BORA: variants seen among roughly 807,000 people sequenced by gnomAD.
BORA encodes BORA aurora kinase A activator, also known as protein aurora borealis.
BORA carries 26 observed loss-of-function variants against 55.8 expected under a neutral mutation model. The observed-to-expected ratio is 0.47, with a 90% confidence interval of 0.34 to 0.65. BORA has a LOEUF of 0.65. BORA is among the 30% of genes least tolerant of loss of function. The probability of loss-of-function intolerance (pLI) is 0.01; values close to 1 mark genes in which losing one functional copy is unlikely to be tolerated. For missense variants in BORA, 568 were observed against 671.5 expected (o/e 0.85, Z 1.70); for synonymous variants, 201 against 216.9 (o/e 0.93, Z 0.64).
intron 10 of BORA, among the ~76,000 whole-genome samples, chr13:72,748,952 A>C (rs896328410): frequency 1.3e-5 from 2 of 152,156 alleles, no homozygotes; most frequent in African/African-American, 4.8e-5. Flanking sequence ...TTACTATTAC[A>C]ACCTCTTCCT....
At chr13:72,746,142 T>C in intron 9 of BORA, 66 bp downstream of exon 9, 3 of 1,397,596 alleles carry the variant, frequency 2.1e-6, no homozygotes, top group Non-Finnish European at 3.0e-6. Context: ...TTAGAGAGGT[T>C]CTTTTAATTT....
chr13:72,754,536 T>C (rs994219221), intron 11 of BORA: 1 of 152,168 alleles, frequency 6.6e-6, no homozygotes, highest in Non-Finnish European at 1.5e-5. Context: ...AAATGTTTAA[T>C]AGGGAGGCCA....
intron 11 of BORA, 135 bp from the exon 12 acceptor site, chr13:72,755,016 A>G: frequency 3.1e-6 from 2 of 650,498 alleles, no homozygotes; most frequent in South Asian, 4.1e-5. Flanking sequence ...TGATTTATAA[A>G]ATACTGTATC....
intron 6 of BORA, 32 bp downstream of exon 6, chr13:72,743,634 G>A: frequency 6.5e-7 from 1 of 1,535,314 alleles, no homozygotes; most frequent in Non-Finnish European, 9.0e-7. Context: ...AAAGAAGGAT[G>A]TTCCATATTA....
rs1593824822 is a variant in BORA, at chr13:72,754,068, T to G, written c.1614+247T>G. On this transcript the variant is annotated intron_variant, in intron 11 of 11. Coordinates refer to ENST00000390667, the MANE Select transcript of BORA (RefSeq NM_024808.5). ...GAGGGCATTTACTGAACCTTCCAGG[T>G]GGTGGTTATATATTCATACTTGAAG... is the stretch of plus-strand genomic sequence containing the variant. 3 of 353,418 alleles carry G rather than the reference T, an allele frequency of 8.5e-6. No individual in the cohort carries two copies. In the East Asian group the frequency reaches 1.6e-4, roughly 19 times the overall value. The allele number at this position is 353,418 out of a possible 1,614,324, so 21.9% of individuals were successfully genotyped here. A position where few individuals can be genotyped will look rare whatever the true frequency, so the allele number is the denominator to read the frequency against.
At position 72,755,969 on chromosome 13, in the gene BORA, T is replaced by TG; in HGVS notation, c.*757dup. On this transcript the variant is annotated 3_prime_UTR_variant, in exon 12 of 12. Transcript: ENST00000390667. ...AATGTGGGAGAACCAAGAGAAAAAG[T>TG]GGGGCTGGGAGAGTGGAGTTCCCGT... is the stretch of plus-strand genomic sequence containing the variant. 1 of 398,434 alleles carries TG rather than the reference T, an allele frequency of 2.5e-6. No homozygotes were observed. The highest frequency in any genetic ancestry group is 4.4e-6 in the Non-Finnish European group (1 of 226,032). The allele number at this position is 398,434 out of a possible 1,614,324, so 24.7% of individuals were successfully genotyped here. A position where few individuals can be genotyped will look rare whatever the true frequency, so the allele number is the denominator to read the frequency against.
intron 10 of BORA, among the ~76,000 whole-genome samples, chr13:72,750,511 G>T (rs949612411): frequency 1.3e-5 from 2 of 151,894 alleles, no homozygotes; most frequent in African/African-American, 4.8e-5. Flanking sequence ...GCAATTTTTT[G>T]AATTTTTGCA....
At chr13:72,729,646 T>C (rs1311851441) in intron 2 of BORA, among the ~76,000 whole-genome samples, 1 of 152,214 alleles carries the variant, frequency 6.6e-6, no homozygotes, top group Non-Finnish European at 1.5e-5. Flanking sequence ...AAAGCAGCCA[T>C]AGGCAATGTG....
At chr13:72,744,057 GC>G (rs2033091812) in intron 6 of BORA, among the ~76,000 whole-genome samples, 1 of 152,076 alleles carries the variant, frequency 6.6e-6, no homozygotes, top group South Asian at 2.1e-4. Flanking sequence ...TTTTCAATGA[GC>G]TACATAATAA....
intron 5 of BORA, among the ~76,000 whole-genome samples, chr13:72,741,957 T>C (rs1356190053): frequency 6.6e-6 from 1 of 152,096 alleles, no homozygotes; most frequent in Non-Finnish European, 1.5e-5. Flanking sequence ...GAAATAGACA[T>C]GGTTTTGAAA....
At chr13:72,734,179 C>A (rs1388399166) in intron 3 of BORA, among the ~76,000 whole-genome samples, 1 of 151,774 alleles carries the variant, frequency 6.6e-6, no homozygotes, top group Non-Finnish European at 1.5e-5. Flanking sequence ...GCATTTGTAC[C>A]CCTGAACTTA....
intron 5 of BORA, among the ~76,000 whole-genome samples, chr13:72,738,876 C>T (rs140523179): frequency 6.6e-6 from 1 of 152,102 alleles, no homozygotes; most frequent in African/African-American, 2.4e-5. Context: ...GTAAGAAAAC[C>T]TAGTTTTAGA....
At chr13:72,744,848 C>T (rs2033108999) in intron 7 of BORA, 133 bp from the exon 8 acceptor site, 2 of 730,280 alleles carry the variant, frequency 2.7e-6, no homozygotes, top group Non-Finnish European at 4.4e-6. Flanking sequence ...ATCAAATATG[C>T]AATTAAACTT....
rs1026511239 is a variant in BORA at position 72,739,081 on chromosome 13, G to T, written c.388+1038G>T. The stretch of plus-strand genomic sequence containing the variant: ...TGACCTTGATCAAATTATTCTCTTT[G>T]TACCTCAGTCTTTTATTTGTGAAAT... On this transcript the variant is annotated intron_variant, in intron 5 of 11. Transcript: ENST00000390667. 2.6e-5 allele frequency among the ~76,000 whole-genome samples: 4 copies of T among 152,210 alleles called. No homozygotes were observed. In the South Asian group the frequency reaches 8.3e-4, roughly 32 times the overall value.
At chr13:72,737,837 A>G (rs187393677) in intron 4 of BORA, 125 bp from the exon 5 acceptor site, 365 of 346,690 alleles carry the variant, frequency 1.1e-3, no homozygotes, top group Non-Finnish European at 1.6e-3. Context: ...CATTTGTATT[A>G]AAATTTTTGC....
At chr13:72,734,504 A>G (rs1237197911) in intron 3 of BORA, among the ~76,000 whole-genome samples, 1 of 152,216 alleles carries the variant, frequency 6.6e-6, no homozygotes. Context: ...TTGACTGTTT[A>G]GAACTGTGAA....
At chr13:72,728,853 A>G in intron 1 of BORA, 73 bp from the exon 2 acceptor site, 1 of 1,319,854 alleles carries the variant, frequency 7.6e-7, no homozygotes, top group Non-Finnish European at 1.0e-6. Context: ...TTTGTCGAGT[A>G]CATTTTAATA....
In BORA at chr13:72,746,573, G is replaced by C. The variant is rs1166556769; in HGVS notation, c.944G>C (p.Cys315Ser). Residue 315 changes from cysteine (C) to serine (S), a missense_variant, in exon 10 of 12, where the codon TGT (cysteine) becomes TCT (serine). Coordinates refer to ENST00000390667, the MANE Select transcript of BORA (RefSeq NM_024808.5). ...AATTCTAATGGGATAACTAATCCGT[G>C]TATCAGAAGTCCTTATATAGATGGC... ...GTNSNGITNP[C>S]IRSPYIDGCS... 6.2e-7 allele frequency: 1 copy of C among 1,613,968 alleles called. No individual in the cohort carries two copies. The highest frequency in any genetic ancestry group is 1.1e-5 in the South Asian group (1 of 91,084).
At chr13:72,729,776 G>A (rs1249880435) in intron 2 of BORA, among the ~76,000 whole-genome samples, 1 of 151,958 alleles carries the variant, frequency 6.6e-6, no homozygotes, top group South Asian at 2.1e-4. Flanking sequence ...ATTTGAAACT[G>A]TCAAAATAAT....
Sources: gnomAD v4.1 joint callset for allele counts (sites outside exome capture counted in the v4.1 genomes callset) on GRCh38, gnomAD v4.1.1 for gene constraint, MANE v1.5 for transcripts, NCBI Gene and HGNC (gene_info 2026-07-23, HGNC 2026-07-21) for gene names.